Variants in KLF12 observed in about 807,000 individuals in gnomAD.
KLF12 encodes the protein Krueppel-like factor 12.
In KLF12, 9 loss-of-function variants were observed where a neutral mutation model predicts 37.8. The observed-to-expected ratio is 0.24, with a 90% CI of 0.14 to 0.42. The LOEUF (loss-of-function observed/expected upper bound fraction) is 0.42, where lower values mean the gene tolerates loss of function less well. KLF12 is among the 10% of genes least tolerant of loss of function. KLF12 has a pLI of 1.00. For synonymous variants in KLF12, 208 were observed against 202.1 expected (o/e 1.03, Z -0.25); for missense variants, 411 against 516.0 (o/e 0.80, Z 1.97).
chr13:74,026,101 C>T (rs1028879170), intron 1 of KLF12, among the ~76,000 whole-genome samples: 6 of 150,314 alleles, frequency 4.0e-5, no homozygotes, highest in African/African-American at 7.4e-5. Context: ...TTATAAAGAT[C>T]GATTGCACAT....
chr13:73,817,509 TAC>T (rs1225654248), intron 4 of KLF12, among the ~76,000 whole-genome samples: 1 of 152,166 alleles, frequency 6.6e-6, no homozygotes, highest in Non-Finnish European at 1.5e-5. Flanking sequence ...CAACTACAAT[TAC>T]AGTCAGCCTA....
Position 73,755,032 on chromosome 13 carries a change from T to C in KLF12, c.869+9906A>G, listed in dbSNP as rs373291844. ...GACTGTGCAGTTTGGGGAAGATTAC[T>C]GTAAGTCACTTTCACTGTAAGAAAT... On this transcript the variant is annotated intron_variant, in intron 6 of 7. Transcript: ENST00000377669. 2.9e-4 allele frequency among the ~76,000 whole-genome samples: 44 copies of C among 152,368 alleles called. 1 individual carries two copies. In the South Asian group the frequency reaches 3.7e-3, roughly 13 times the overall value.
At chr13:74,115,171 T>C (rs896219485) in intron 1 of KLF12, among the ~76,000 whole-genome samples, 1 of 152,210 alleles carries the variant, frequency 6.6e-6, no homozygotes, top group Non-Finnish European at 1.5e-5. Context: ...TTATTTTTTA[T>C]AGAACTTGTA....
intron 2 of KLF12, among the ~76,000 whole-genome samples, chr13:73,952,754 A>C (rs2139417198): frequency 6.6e-6 from 1 of 152,310 alleles, no homozygotes; most frequent in East Asian, 1.9e-4. Context: ...CGAGTCATGA[A>C]GGCTTATTAA....
At chr13:73,905,970 C>A (rs997831368) in intron 3 of KLF12, among the ~76,000 whole-genome samples, 4 of 152,078 alleles carry the variant, frequency 2.6e-5, no homozygotes, top group African/African-American at 9.7e-5. Flanking sequence ...TGTTTGATTT[C>A]TTTTCCTTAA....
Position 73,846,073 on chromosome 13 carries a change from C to T in KLF12, c.424G>A (p.Val142Ile), listed in dbSNP as rs538182823. The T allele has an allele frequency of 3.4e-5, 55 of 1,613,950 alleles. No homozygotes were observed. The Admixed American group carries it at 7.0e-4, about 21-fold the overall frequency. ...GCCACAAGGGGCCCTGGAGTTAATA[C>T]TGTTGACGAAGATGACGCTGAAGAT... The change falls in exon 4 of 8, where the codon GTA (valine) becomes ATA (isoleucine). Residue 142 changes from valine (V) to isoleucine (I), a missense_variant. Coordinates refer to ENST00000377669, the MANE Select transcript of KLF12 (RefSeq NM_007249.5).
chr13:73,732,348 C>G lies in KLF12; in HGVS notation c.870-16823G>C, dbSNP rs141304963. 1.8e-3 allele frequency among the ~76,000 whole-genome samples: 277 copies of G among 152,130 alleles called. 2 individuals carry two copies. The highest frequency in any genetic ancestry group is 3.4e-3 in the Middle Eastern group (1 of 294). Reference sequence around the variant, plus strand: ...CAGGTGATCCATCCACCTCGGCCCCCCAAAGTGCTGGGATTACAGGCATGA... The same window carrying G: ...CAGGTGATCCATCCACCTCGGCCCCGCAAAGTGCTGGGATTACAGGCATGA... On this transcript the variant is annotated intron_variant, in intron 6 of 7. Coordinates refer to ENST00000377669, the MANE Select transcript of KLF12 (RefSeq NM_007249.5).
At chr13:73,970,907 C>T (rs933959699) in intron 2 of KLF12, among the ~76,000 whole-genome samples, 1 of 151,938 alleles carries the variant, frequency 6.6e-6, no homozygotes, top group African/African-American at 2.4e-5. Flanking sequence ...GGGCTCAAAG[C>T]AGCAGAAGGG....
intron 3 of KLF12, among the ~76,000 whole-genome samples, chr13:73,926,446 C>A (rs939786089): frequency 6.6e-6 from 1 of 152,038 alleles, no homozygotes; most frequent in Non-Finnish European, 1.5e-5. Flanking sequence ...GTCTTGCACA[C>A]TTAATAGAAT....
chr13:74,133,661 T>C (rs1878394360), intron 1 of KLF12, among the ~76,000 whole-genome samples: 1 of 130,928 alleles, frequency 7.6e-6, no homozygotes, highest in Non-Finnish European at 1.6e-5. Context: ...GAGAATACGG[T>C]CTGATTTGGG....
chr13:74,021,655 TC>T (rs1246758164), intron 1 of KLF12, among the ~76,000 whole-genome samples: 2 of 152,162 alleles, frequency 1.3e-5, no homozygotes, highest in African/African-American at 4.8e-5. Flanking sequence ...ATCAAGGAAG[TC>T]AGCAAATGCT....
chr13:74,127,388 T>C lies in KLF12; in HGVS notation c.-32+6351A>G, dbSNP rs148591145. On this transcript the variant is annotated intron_variant, in intron 1 of 7. Transcript: ENST00000377669. ...ATAGGGGCATTTAGAACAAGGCAAA[T>C]CAACAAGCAATTAACACCAGAAGGA... Among the ~76,000 whole-genome samples, 634 of 152,214 alleles carry C rather than the reference T, an allele frequency of 4.2e-3. 2 individuals are homozygous for C. The highest frequency in any genetic ancestry group is 0.014 in the African/African-American group (598 of 41,526).
intron 5 of KLF12, among the ~76,000 whole-genome samples, chr13:73,789,234 C>T (rs562286456): frequency 8.5e-5 from 13 of 152,298 alleles, no homozygotes; most frequent in Middle Eastern, 3.4e-3. Context: ...TGATACTCTA[C>T]ATCTCTGAAG....
chr13:74,220,861 G>T, the KLF12 span, among the ~76,000 whole-genome samples: 1 of 151,972 alleles, frequency 6.6e-6, no homozygotes, highest in Admixed American at 6.6e-5. Flanking sequence ...CTTTTTAAAC[G>T]CCGAATAGCA....
chr13:74,140,433 G>A, the KLF12 span, among the ~76,000 whole-genome samples: 1 of 152,192 alleles, frequency 6.6e-6, no homozygotes, highest in East Asian at 1.9e-4. Flanking sequence ...GCTGAGGTGG[G>A]AGGATTGCCT....
At chr13:74,179,895 T>C in the KLF12 span, among the ~76,000 whole-genome samples, 1 of 152,206 alleles carries the variant, frequency 6.6e-6, no homozygotes, top group East Asian at 1.9e-4. Flanking sequence ...GATTACATAA[T>C]TAACTTGTAC....
At chr13:74,225,186 G>A in the KLF12 span, among the ~76,000 whole-genome samples, 2 of 152,064 alleles carry the variant, frequency 1.3e-5, no homozygotes, top group Non-Finnish European at 2.9e-5. Flanking sequence ...GAGTCAACAT[G>A]GATTATGTAT....
intron 2 of KLF12, among the ~76,000 whole-genome samples, chr13:73,964,625 T>C (rs74975457): frequency 8.9e-6 from 1 of 112,948 alleles, no homozygotes; most frequent in African/African-American, 3.5e-5. Flanking sequence ...AAAAAAAAAA[T>C]CTAAGGTCAT....
the KLF12 span, among the ~76,000 whole-genome samples, chr13:74,235,789 C>A: frequency 5.9e-5 from 9 of 152,030 alleles, no homozygotes; most frequent in Non-Finnish European, 8.8e-5. Context: ...ATTACCCTGG[C>A]ATTTTGTTTT....
Sources: gnomAD v4.1 joint callset for allele counts (sites outside exome capture counted in the v4.1 genomes callset) on GRCh38, gnomAD v4.1.1 for gene constraint, MANE v1.5 for transcripts, NCBI Gene and HGNC (gene_info 2026-07-23, HGNC 2026-07-21) for gene names.